Variants in TCF4 observed in about 807,000 individuals in gnomAD.
TCF4 encodes the protein transcription factor 4.
TCF4 carries 3 observed loss-of-function variants against 82.1 expected under a neutral mutation model. That is an observed-to-expected ratio of 0.04 (90% confidence interval 0.02 to 0.09). The LOEUF is 0.09. TCF4 is among the 10% of genes least tolerant of loss of function. The pLI, the probability that TCF4 is intolerant of heterozygous loss-of-function variation, is 1.00. For synonymous variants in TCF4, 276 were observed against 309.6 expected, an observed-to-expected ratio of 0.89 and a Z score of 1.14; for missense variants, 518 against 852.7, an observed-to-expected ratio of 0.61 and a Z score of 4.89.
intron 2 of TCF4, among the ~76,000 whole-genome samples, chr18:55,606,078 G>A (rs1200833968): frequency 2.0e-5 from 3 of 152,160 alleles, no homozygotes; most frequent in Non-Finnish European, 1.5e-5. Flanking sequence ...TCACTGCTCT[G>A]AAAAGTGAGA....
chr18:55,593,275 T>A (rs1043807285), upstream of TCF4, among the ~76,000 whole-genome samples: 5 of 151,888 alleles, frequency 3.3e-5, no homozygotes, highest in African/African-American at 9.7e-5. Context: ...AAAAAAAAAA[T>A]TATAACTATC....
chr18:55,505,103 C>G (rs958812233), intron 3 of TCF4, among the ~76,000 whole-genome samples: 3 of 152,108 alleles, frequency 2.0e-5, no homozygotes, highest in African/African-American at 7.2e-5. Flanking sequence ...TCACCATTCC[C>G]TAGGAGAATA....
At chr18:55,531,868 C>G (rs1463469064) in intron 3 of TCF4, among the ~76,000 whole-genome samples, 1 of 152,198 alleles carries the variant, frequency 6.6e-6, no homozygotes, top group East Asian at 1.9e-4. Flanking sequence ...TCAGCCATGA[C>G]CAATCAATAC....
intron 5 of TCF4, 45 bp from the exon 6 acceptor site, chr18:55,403,563 A>T (rs1056433597): frequency 5.6e-6 from 9 of 1,601,438 alleles, no homozygotes; most frequent in African/African-American, 4.0e-5. Flanking sequence ...GTTTTTCCTT[A>T]AAAAAAAATC....
At chr18:55,423,298 TAC>T (rs1036458693) in intron 5 of TCF4, among the ~76,000 whole-genome samples, 2 of 152,080 alleles carry the variant, frequency 1.3e-5, no homozygotes, top group Admixed American at 6.5e-5. Context: ...AGAGTCACAA[TAC>T]ACAGAGTTGT....
intron 15 of TCF4, among the ~76,000 whole-genome samples, chr18:55,251,071 G>A (rs967172673): frequency 6.6e-6 from 1 of 152,156 alleles, no homozygotes; most frequent in East Asian, 1.9e-4. Flanking sequence ...AACATACAGG[G>A]TGAATTCTGG....
intron 8 of TCF4, among the ~76,000 whole-genome samples, chr18:55,323,528 T>C (rs1315363052): frequency 6.6e-6 from 1 of 152,204 alleles, no homozygotes. Context: ...TCACTTGCTC[T>C]GCATTTATTC....
At chr18:55,277,374 A>G (rs1447001813) in intron 9 of TCF4, among the ~76,000 whole-genome samples, 2 of 152,230 alleles carry the variant, frequency 1.3e-5, no homozygotes, top group Non-Finnish European at 2.9e-5. Flanking sequence ...TCACTAAACA[A>G]GAGTCTCCTG....
At chr18:55,517,820 AC>A (rs1232419423) in intron 3 of TCF4, among the ~76,000 whole-genome samples, 1 of 152,174 alleles carries the variant, frequency 6.6e-6, no homozygotes, top group Non-Finnish European at 1.5e-5. Flanking sequence ...CCTCAGACAC[AC>A]ACAGCAGCTC....
chr18:55,592,333 T>C (rs2097686424), upstream of TCF4, among the ~76,000 whole-genome samples: 1 of 152,164 alleles, frequency 6.6e-6, no homozygotes, highest in Admixed American at 6.5e-5. Context: ...AAGTCTGACA[T>C]CAGGGTGCCG....
chr18:55,545,558 C>G (rs1052958090), intron 3 of TCF4, among the ~76,000 whole-genome samples: 5 of 152,096 alleles, frequency 3.3e-5, no homozygotes, highest in African/African-American at 1.2e-4. Flanking sequence ...AAGCAATTCT[C>G]CTACCTCAGC....
intron 5 of TCF4, among the ~76,000 whole-genome samples, chr18:55,445,390 G>T (rs1158601343): frequency 6.6e-6 from 1 of 152,088 alleles, no homozygotes; most frequent in African/African-American, 2.4e-5. Context: ...TGAACTCATA[G>T]TTTCACATGG....
At chr18:55,328,525 G>T (rs2076965413) in intron 8 of TCF4, among the ~76,000 whole-genome samples, 1 of 152,200 alleles carries the variant, frequency 6.6e-6, no homozygotes, top group Non-Finnish European at 1.5e-5. Flanking sequence ...GATGGAGGAA[G>T]TTGACTCAGA....
intron 5 of TCF4, among the ~76,000 whole-genome samples, chr18:55,421,820 C>T (rs147483918): frequency 2.0e-5 from 3 of 152,246 alleles, no homozygotes; most frequent in African/African-American, 7.2e-5. Flanking sequence ...GTCTGTCAAA[C>T]ATGGTACCAG....
intron 3 of TCF4, among the ~76,000 whole-genome samples, chr18:55,552,819 A>T (rs1404877326): frequency 2.6e-5 from 4 of 152,232 alleles, no homozygotes; most frequent in Admixed American, 2.0e-4. Flanking sequence ...CATTTACAGG[A>T]TCTCATAGAA....
chr18:55,298,293 A>C (rs1402304800), intron 8 of TCF4, among the ~76,000 whole-genome samples: 1 of 152,240 alleles, frequency 6.6e-6, no homozygotes, highest in African/African-American at 2.4e-5. Context: ...CAAGGCTGAG[A>C]TATCTCTATT....
At chr18:55,618,659 G>A (rs1399607575) in intron 2 of TCF4, among the ~76,000 whole-genome samples, 1 of 151,586 alleles carries the variant, frequency 6.6e-6, no homozygotes, top group East Asian at 1.9e-4. Flanking sequence ...ACAGCTCATT[G>A]CAGCCTTGAC....
chr18:55,517,142 T>C (rs2096890318), intron 3 of TCF4, among the ~76,000 whole-genome samples: 1 of 152,170 alleles, frequency 6.6e-6, no homozygotes, highest in African/African-American at 2.4e-5. Flanking sequence ...CATGATTTTG[T>C]GGAGTTTCTT....
chr18:55,535,938 A>T (rs570215818), intron 3 of TCF4, among the ~76,000 whole-genome samples: 4 of 152,340 alleles, frequency 2.6e-5, no homozygotes, highest in Non-Finnish European at 4.4e-5. Flanking sequence ...CAAACCAGTA[A>T]ATTCATAAAA....
Sources: gnomAD v4.1 joint callset for allele counts (sites outside exome capture counted in the v4.1 genomes callset) on GRCh38, gnomAD v4.1.1 for gene constraint, MANE v1.5 for transcripts, NCBI Gene and HGNC (gene_info 2026-07-23, HGNC 2026-07-21) for gene names.